The following EFCAB13 variants were observed in gnomAD, a reference collection of about 807,000 sequenced individuals.
EFCAB13 encodes the protein EF-hand calcium-binding domain-containing protein 13.
In EFCAB13, 91 loss-of-function variants were observed where a neutral mutation model predicts 110.2. The ratio of observed to expected loss-of-function variants is 0.83; its 90% CI spans 0.70 to 0.98. EFCAB13 has a LOEUF of 0.98. EFCAB13 is among the 50% of genes least tolerant of loss of function. The probability of loss-of-function intolerance (pLI) is 0.00; values close to 1 mark genes in which losing one functional copy is unlikely to be tolerated. For missense variants in EFCAB13, 968 were observed against 1,119.4 expected, an observed-to-expected ratio of 0.86 and a Z score of 1.93; for synonymous variants, 323 against 369.9, an observed-to-expected ratio of 0.87 and a Z score of 1.45.
intron 23 of EFCAB13, among the ~76,000 whole-genome samples, chr17:47,416,949 G>A (rs1284359344): frequency 6.6e-6 from 1 of 152,130 alleles, no homozygotes; most frequent in East Asian, 1.9e-4. Flanking sequence ...GCTGGAAAAC[G>A]AGTGGCTACA....
intron 2 of EFCAB13, among the ~76,000 whole-genome samples, chr17:47,325,767 C>G (rs745617174): frequency 6.6e-5 from 10 of 151,576 alleles, no homozygotes; most frequent in Non-Finnish European, 1.5e-4. Flanking sequence ...GCATCTCTTC[C>G]CCTATACTAC....
At chr17:47,414,991 G>A in intron 23 of EFCAB13, 72 bp downstream of exon 23, 1 of 1,113,216 alleles carries the variant, frequency 9.0e-7, no homozygotes, top group Non-Finnish European at 1.3e-6. Context: ...AAAAATGAAA[G>A]GTCCAACAGT....
intron 3 of EFCAB13, among the ~76,000 whole-genome samples, chr17:47,326,921 T>A (rs1211924051): frequency 6.6e-6 from 1 of 152,214 alleles, no homozygotes; most frequent in Non-Finnish European, 1.5e-5. Flanking sequence ...GTACTCTGTC[T>A]TCATTAGAAT....
At chr17:47,394,167 A>T in intron 16 of EFCAB13, 68 bp downstream of exon 16, 2 of 1,036,870 alleles carry the variant, frequency 1.9e-6, no homozygotes, top group Non-Finnish European at 2.8e-6. Context: ...AGAAGAGCGT[A>T]AACACTCTTT....
At chr17:47,425,983 A>G (rs1904940769) in intron 23 of EFCAB13, among the ~76,000 whole-genome samples, 1 of 152,212 alleles carries the variant, frequency 6.6e-6, no homozygotes, top group East Asian at 1.9e-4. Context: ...TAATGAAACA[A>G]ACTGCATGAC....
At chr17:47,357,166 G>A (rs1402512701) in intron 9 of EFCAB13, among the ~76,000 whole-genome samples, 1 of 151,846 alleles carries the variant, frequency 6.6e-6, no homozygotes, top group Non-Finnish European at 1.5e-5. Flanking sequence ...CCTCCCCACT[G>A]AGAAAGCAAG....
chr17:47,361,505 A>G lies in EFCAB13; in HGVS notation c.789A>G (p.Lys263=). The G allele has an allele frequency of 1.3e-6, 2 of 1,580,618 alleles. No homozygotes were observed. Among genetic ancestry groups the G allele is most frequent in the Non-Finnish European group, 1.7e-6 (2 of 1,163,554 alleles). ...GTGAAATTTTAGAAGAAGTGACAAAACATACCTATATTGACAGTGAGTTAT... is the reference window on the plus strand; with the variant it reads ...GTGAAATTTTAGAAGAAGTGACAAAGCATACCTATATTGACAGTGAGTTAT... ...INREILEEVT[K]HTYIDSNHMV... Residue 263 remains lysine, a synonymous_variant, in exon 10 of 25, where the codon AAA becomes AAG. Transcript: ENST00000331493.
intron 11 of EFCAB13, among the ~76,000 whole-genome samples, chr17:47,371,923 A>G (rs1479710756): frequency 1.3e-5 from 2 of 151,756 alleles, no homozygotes; most frequent in Admixed American, 6.6e-5. Flanking sequence ...CTCTGTGTCT[A>G]TTTTTATACA....
At chr17:47,363,031 C>G (rs142165608) in intron 10 of EFCAB13, among the ~76,000 whole-genome samples, 2 of 152,140 alleles carry the variant, frequency 1.3e-5, no homozygotes, top group South Asian at 2.1e-4. Flanking sequence ...TCTCCGCACA[C>G]GGGGAGAAAA....
At chr17:47,410,452 G>A (rs1277416407) in intron 21 of EFCAB13, among the ~76,000 whole-genome samples, 1 of 152,158 alleles carries the variant, frequency 6.6e-6, no homozygotes, top group Non-Finnish European at 1.5e-5. Flanking sequence ...TCAAACCATA[G>A]CATTCCATCC....
At chr17:47,408,372 T>C (rs1437370303) in intron 20 of EFCAB13, among the ~76,000 whole-genome samples, 2 of 152,068 alleles carry the variant, frequency 1.3e-5, no homozygotes, top group African/African-American at 2.4e-5. Flanking sequence ...GTAATCAGGC[T>C]GGGGGAAGTG....
At chr17:47,396,068 G>C in intron 17 of EFCAB13, 91 bp downstream of exon 17, 3 of 1,153,272 alleles carry the variant, frequency 2.6e-6, no homozygotes, top group South Asian at 2.3e-5. Context: ...TACTTGGCGA[G>C]ACGGAGTGTT....
At chr17:47,430,068 G>A in intron 24 of EFCAB13, 107 bp downstream of exon 24, 1 of 1,399,620 alleles carries the variant, frequency 7.1e-7, no homozygotes, top group Non-Finnish European at 9.4e-7. Flanking sequence ...TGGAAGCTGA[G>A]GTGGGATGAC....
At chr17:47,432,380 T>A (rs977181287) in intron 24 of EFCAB13, among the ~76,000 whole-genome samples, 1 of 149,790 alleles carries the variant, frequency 6.7e-6, no homozygotes, top group African/African-American at 2.5e-5. Context: ...CGTGGGCGAC[T>A]GAGCAAGAAT....
chr17:47,338,668 A>G (rs1444193330), intron 5 of EFCAB13, among the ~76,000 whole-genome samples: 2 of 151,956 alleles, frequency 1.3e-5, no homozygotes, highest in East Asian at 1.9e-4. Flanking sequence ...CTGTATATGT[A>G]TATTGTACCT....
intron 9 of EFCAB13, among the ~76,000 whole-genome samples, chr17:47,356,922 A>G (rs2065483750): frequency 6.6e-6 from 1 of 152,106 alleles, no homozygotes; most frequent in Admixed American, 6.5e-5. Context: ...GTCGGGGTGA[A>G]GGTGTGGTTC....
chr17:47,342,126 G>A (rs1163223429), intron 6 of EFCAB13, 94 bp downstream of exon 6: 2 of 685,980 alleles, frequency 2.9e-6, no homozygotes, highest in African/African-American at 1.9e-5. Context: ...GTGTTGAAAT[G>A]TCACAGTCTT....
At chr17:47,332,837 T>G (rs1237021968) in intron 4 of EFCAB13, among the ~76,000 whole-genome samples, 1 of 152,208 alleles carries the variant, frequency 6.6e-6, no homozygotes, top group Non-Finnish European at 1.5e-5. Flanking sequence ...TAGGTTACTT[T>G]TATATCTTGG....
chr17:47,432,992 A>G (rs1905146684), intron 24 of EFCAB13, among the ~76,000 whole-genome samples: 1 of 152,196 alleles, frequency 6.6e-6, no homozygotes, highest in Admixed American at 6.5e-5. Flanking sequence ...TCATTAAACT[A>G]CAGAATATAT....
Sources: allele counts gnomAD v4.1 joint callset (sites outside exome capture counted in the v4.1 genomes callset), GRCh38; gene constraint gnomAD v4.1.1; transcripts MANE v1.5; gene names NCBI Gene and HGNC (gene_info 2026-07-23, HGNC 2026-07-21).